Variants in IGF2R observed in about 807,000 individuals in gnomAD.
IGF2R encodes the protein cation-independent mannose-6-phosphate receptor.
IGF2R carries 91 observed loss-of-function variants against 270.6 expected under a neutral mutation model. The ratio of observed to expected loss-of-function variants is 0.34; its 90% CI spans 0.28 to 0.40. IGF2R has a LOEUF of 0.40. Ranked by LOEUF, IGF2R falls within the 10% of genes least tolerant of loss-of-function variation. IGF2R has a pLI of 1.00. For missense variants in IGF2R, 2,805 were observed against 3,188.3 expected, an observed-to-expected ratio of 0.88 and a Z score of 2.90; for synonymous variants, 1,316 against 1,258.9, an observed-to-expected ratio of 1.05 and a Z score of -0.96.
At chr6:159,969,737 A>G (rs925309824) in intron 1 of IGF2R, among the ~76,000 whole-genome samples, 3 of 151,884 alleles carry the variant, frequency 2.0e-5, no homozygotes, top group African/African-American at 7.3e-5. Flanking sequence ...GGCGTCCGGG[A>G]AAGTTGGAGG....
At chr6:160,029,805 A>G in intron 7 of IGF2R, 150 bp downstream of exon 7, 1 of 606,314 alleles carries the variant, frequency 1.6e-6, no homozygotes. Context: ...GGAGAAGACA[A>G]GCTTCCTGGG....
At chr6:159,983,679 G>A (rs1419278407) in intron 1 of IGF2R, among the ~76,000 whole-genome samples, 1 of 152,150 alleles carries the variant, frequency 6.6e-6, no homozygotes, top group African/African-American at 2.4e-5. Context: ...TGGGCCTGAT[G>A]GTTTGATTGT....
At chr6:159,969,457 G>T in intron 1 of IGF2R, 62 bp downstream of exon 1, 1 of 1,125,646 alleles carries the variant, frequency 8.9e-7, no homozygotes, top group East Asian at 4.0e-5. Flanking sequence ...GCCGGCGTGG[G>T]GGGCGGGGAG....
intron 4 of IGF2R, among the ~76,000 whole-genome samples, chr6:160,019,638 C>G (rs1015987502): frequency 3.9e-5 from 6 of 152,044 alleles, no homozygotes; most frequent in African/African-American, 1.4e-4. Flanking sequence ...GGGTTTTATT[C>G]CAGGGTTGCA....
rs1183808994 is a variant in IGF2R, at chr6:159,988,453, C to CA, written c.150-2729dup. On this transcript the variant is annotated intron_variant, in intron 1 of 47. Coordinates refer to ENST00000356956, the MANE Select transcript of IGF2R (RefSeq NM_000876.4). ...GCGTGAACCCGGGAGGTGGAGCTTG[C>CA]AATGAGCGGAGATTGCGCCACTGCA... 7.5e-5 allele frequency among the ~76,000 whole-genome samples: 10 copies of CA among 133,236 alleles called. No individual in the cohort carries two copies. In the East Asian group the frequency reaches 2.0e-3, roughly 26 times the overall value. 87.4% of individuals were successfully genotyped at this position (133,236 alleles called of 152,430 possible). A position where few individuals can be genotyped will look rare whatever the true frequency, so the allele number is the denominator to read the frequency against.
At chr6:160,056,383 A>G (rs779690047) in intron 19 of IGF2R, 41 bp from the exon 20 acceptor site, 6 of 1,322,216 alleles carry the variant, frequency 4.5e-6, no homozygotes, top group African/African-American at 1.4e-5. Context: ...ATCAAGTTCC[A>G]TGTTACTGTA....
intron 4 of IGF2R, among the ~76,000 whole-genome samples, chr6:160,021,497 G>A (rs1360159224): frequency 6.6e-6 from 1 of 150,640 alleles, no homozygotes; most frequent in East Asian, 2.0e-4. Context: ...AATGCTAAAT[G>A]ACGAGTTAAT....
chr6:160,044,238 G>A (rs1473592615), intron 12 of IGF2R, among the ~76,000 whole-genome samples: 1 of 152,206 alleles, frequency 6.6e-6, no homozygotes, highest in African/African-American at 2.4e-5. Flanking sequence ...CCCTGGAAGG[G>A]CATTGTGCAT....
At chr6:159,994,145 T>C (rs1287647424) in intron 2 of IGF2R, among the ~76,000 whole-genome samples, 1 of 152,016 alleles carries the variant, frequency 6.6e-6, no homozygotes, top group African/African-American at 2.4e-5. Flanking sequence ...TTTTTACTGG[T>C]CTTTTCAGGA....
In IGF2R at chr6:159,998,115, T is replaced by C. The variant is rs993331203; in HGVS notation, c.289+6792T>C. On this transcript the variant is annotated intron_variant, in intron 2 of 47. Coordinates refer to ENST00000356956, the MANE Select transcript of IGF2R (RefSeq NM_000876.4). This position sits in a 1 kb window ranked among gnomAD's most constrained non-coding sequence, Gnocchi z 4.1. ...ACAGGTGAGATGGCCAGTTTACTCATTGTGCTCTTTTGAGAACTCACAGAG... is the reference window on the plus strand; with the variant it reads ...ACAGGTGAGATGGCCAGTTTACTCACTGTGCTCTTTTGAGAACTCACAGAG... Among the ~76,000 whole-genome samples the C allele has an allele frequency of 2.0e-5, 3 of 152,224 alleles. No individual in the cohort carries two copies. The South Asian group carries it at 6.2e-4, about 32-fold the overall frequency.
chr6:159,984,128 A>G (rs1048273257), intron 1 of IGF2R, among the ~76,000 whole-genome samples: 1 of 152,220 alleles, frequency 6.6e-6, no homozygotes, highest in Non-Finnish European at 1.5e-5. Context: ...GATGGGTTCA[A>G]CCATTCTGAG....
In IGF2R at chr6:160,040,714, C is replaced by T; in HGVS notation, c.1470C>T (p.Val490=). Residue 490 remains valine (V), a synonymous_variant, in exon 11 of 48, where the codon GTC becomes GTT. Coordinates refer to ENST00000356956, the MANE Select transcript of IGF2R (RefSeq NM_000876.4). ...AGCGCTATGACCTGTCCGCGCTGGT[C>T]CGCCATGCAGGTACTGCCCTCCTTG... The part of the protein sequence containing the change: ...GKKRYDLSAL[V]RHAEPEQNWE... 6.2e-7 allele frequency: 1 copy of T among 1,613,664 alleles called. No homozygotes were observed. Among genetic ancestry groups the T allele is most frequent in the Non-Finnish European group, 8.5e-7 (1 of 1,179,736 alleles).
At chr6:160,022,229 G>A (rs1777454469) in intron 4 of IGF2R, among the ~76,000 whole-genome samples, 1 of 152,140 alleles carries the variant, frequency 6.6e-6, no homozygotes, top group Non-Finnish European at 1.5e-5. Context: ...AAATATTGGA[G>A]CTTCAGAAAG....
chr6:159,984,637 T>TA (rs1459128012), intron 1 of IGF2R, among the ~76,000 whole-genome samples: 1 of 152,212 alleles, frequency 6.6e-6, no homozygotes, highest in Non-Finnish European at 1.5e-5. Context: ...ACATACCATA[T>TA]AGCCTAGGTT....
rs574452575 is a variant in IGF2R, at chr6:160,012,096, T to C, written c.513+1311T>C. Among the ~76,000 whole-genome samples, 3 of 151,844 alleles carry C rather than the reference T, an allele frequency of 2.0e-5. No homozygotes were observed. In the South Asian group the frequency reaches 6.2e-4, roughly 32 times the overall value. Reference sequence around the variant, plus strand: ...AGGGAAAGACAGTGTCATATGGAAGTGGAAGTGGTAAAATACTGCCCAGGA... The same window carrying C: ...AGGGAAAGACAGTGTCATATGGAAGCGGAAGTGGTAAAATACTGCCCAGGA... On this transcript the variant is annotated intron_variant, in intron 4 of 47. Coordinates refer to ENST00000356956, the MANE Select transcript of IGF2R (RefSeq NM_000876.4).
At position 160,063,486 on chromosome 6, in the gene IGF2R, A is replaced by G. The variant is rs1427184802; in HGVS notation, c.3742A>G (p.Thr1248Ala). 8.7e-6 allele frequency: 14 copies of G among 1,613,652 alleles called. No homozygotes were observed. Among genetic ancestry groups the G allele is most frequent in the Non-Finnish European group, 1.1e-5 (13 of 1,180,018 alleles). ...CCTGAAGCCCCTGGGCCTCAACGACACCATCGTGAGCGCTGGCGAATACAC... is the reference window on the plus strand; with the variant it reads ...CCTGAAGCCCCTGGGCCTCAACGACGCCATCGTGAGCGCTGGCGAATACAC... ...YDLKPLGLNDTIVSAGEYTYY... is the reference protein window; with the variant it reads ...YDLKPLGLNDAIVSAGEYTYY... The change falls in exon 27 of 48, where the codon ACC becomes GCC. Residue 1248 changes from threonine (T) to alanine (A), a missense_variant. Around this residue, in one of 2 missense-constraint regions of IGF2R, gnomAD observed 1,851 missense variants for 2,207.2 expected, o/e 0.84. Transcript: ENST00000356956.
At position 160,089,087 on chromosome 6, in the gene IGF2R, C is replaced by G. The variant is rs1779159557; in HGVS notation, c.6321-20C>G. ...GTCTGGCTGGGGAAGTGACTGTAGC[C>G]TGTGCTTCCCTCCTCCTAGGTTTGA... is the stretch of plus-strand genomic sequence containing the variant. On this transcript the variant is annotated intron_variant, in intron 42 of 47. Transcript: ENST00000356956. 2.5e-6 allele frequency: 4 copies of G among 1,608,392 alleles called. No individual in the cohort carries two copies. Among genetic ancestry groups the G allele is most frequent in the Non-Finnish European group, 3.4e-6 (4 of 1,175,852 alleles).
At chr6:160,000,231 C>A (rs9347378) in intron 2 of IGF2R, among the ~76,000 whole-genome samples, 2,872 of 152,310 alleles carry the variant, frequency 0.019, 83 homozygotes, top group East Asian at 0.12. Context: ...AGGTTGGATT[C>A]ACAGTTCTGA....
Position 160,078,225 on chromosome 6 carries a change from A to G in IGF2R, c.5341A>G (p.Ser1781Gly). ...SMGTPKLLRT[S>G]ECDFVFEWET... ...GGGAACGCCTAAGCTGTTAAGGACC[A>G]GCGAGTGCGACTTTGTGTTCGAATG... Residue 1781 changes from serine to glycine, a missense_variant, in exon 37 of 48, where the codon AGC becomes GGC. By Grantham distance (56) the Ser-to-Gly change is moderately conservative. Coordinates refer to ENST00000356956, the MANE Select transcript of IGF2R (RefSeq NM_000876.4). 3.7e-6 allele frequency: 6 copies of G among 1,614,196 alleles called. No individual in the cohort carries two copies. Among genetic ancestry groups the G allele is most frequent in the Non-Finnish European group, 5.1e-6 (6 of 1,180,014 alleles).
Sources: gnomAD v4.1 joint callset for allele counts (sites outside exome capture counted in the v4.1 genomes callset) on GRCh38, gnomAD v4.1.1 for gene constraint, gnomAD v4.1.1 regional missense constraint, Gnocchi (gnomAD v3.1) non-coding constraint, MANE v1.5 for transcripts, NCBI Gene and HGNC (gene_info 2026-07-23, HGNC 2026-07-21) for gene names.